ATRNL1: variants seen among roughly 807,000 people sequenced by gnomAD.
ATRNL1 encodes attractin-like protein 1.
ATRNL1 carries 95 observed loss-of-function variants against 182.7 expected under a neutral mutation model. That is an observed-to-expected ratio of 0.52 (90% confidence interval 0.44 to 0.62). The LOEUF (loss-of-function observed/expected upper bound fraction) is 0.62, where lower values mean the gene tolerates loss of function less well. ATRNL1 is among the 20% of genes least tolerant of loss of function. The probability of loss-of-function intolerance (pLI) is 0.00; values close to 1 mark genes in which losing one functional copy is unlikely to be tolerated. For missense variants in ATRNL1, 1,471 were observed against 1,679.5 expected, an observed-to-expected ratio of 0.88 and a Z score of 2.17; for synonymous variants, 576 against 568.3, an observed-to-expected ratio of 1.01 and a Z score of -0.19.
chr10:115,215,910 G>A, intron 9 of ATRNL1, 30 bp downstream of exon 9: 1 of 1,419,932 alleles, frequency 7.0e-7, no homozygotes, highest in Non-Finnish European at 9.3e-7. Flanking sequence ...CATTTTCTAT[G>A]TTGCCATTAT....
At chr10:115,594,027 T>A (rs1856076651) in intron 26 of ATRNL1, among the ~76,000 whole-genome samples, 1 of 152,092 alleles carries the variant, frequency 6.6e-6, no homozygotes, top group South Asian at 2.1e-4. Flanking sequence ...AGATTTCAGA[T>A]ATCTTTATAT....
intron 20 of ATRNL1, among the ~76,000 whole-genome samples, chr10:115,421,785 A>G (rs868978126): frequency 6.6e-6 from 1 of 152,206 alleles, no homozygotes; most frequent in African/African-American, 2.4e-5. Context: ...ATGTTAATTG[A>G]CTTCAAACTA....
At chr10:115,094,110 C>T (rs2084949072) in intron 1 of ATRNL1, 67 bp downstream of exon 1, 1 of 1,290,546 alleles carries the variant, frequency 7.7e-7, no homozygotes, top group East Asian at 3.1e-5. Flanking sequence ...TTCCCCGCCC[C>T]CCTCGCGGCC....
intron 28 of ATRNL1, among the ~76,000 whole-genome samples, chr10:115,868,979 G>A (rs1047143644): frequency 7.3e-5 from 11 of 151,664 alleles, no homozygotes; most frequent in East Asian, 3.9e-4. Flanking sequence ...ACAGGCGCCC[G>A]CCACCACGCC....
intron 27 of ATRNL1, among the ~76,000 whole-genome samples, chr10:115,832,224 A>G (rs782729028): frequency 6.6e-6 from 1 of 152,216 alleles, no homozygotes; most frequent in Non-Finnish European, 1.5e-5. Context: ...TCAAATAGCC[A>G]AGGTAAAATA....
chr10:115,397,885 G>C (rs1328742365), intron 20 of ATRNL1, among the ~76,000 whole-genome samples: 1 of 151,928 alleles, frequency 6.6e-6, no homozygotes, highest in African/African-American at 2.4e-5. Context: ...TGAGAAAACA[G>C]GGTAATCAAA....
chr10:115,652,167 A>C (rs949076992), intron 26 of ATRNL1, among the ~76,000 whole-genome samples: 5 of 152,196 alleles, frequency 3.3e-5, no homozygotes, highest in African/African-American at 1.2e-4. Flanking sequence ...TCATAGCTGT[A>C]AAGGGGATTG....
At chr10:115,610,395 G>A (rs1294932436) in intron 26 of ATRNL1, among the ~76,000 whole-genome samples, 3 of 152,080 alleles carry the variant, frequency 2.0e-5, no homozygotes, top group Non-Finnish European at 2.9e-5. Context: ...ACAAAAAAAA[G>A]CTTTATTTTT....
At chr10:115,478,451 G>A (rs1848626369) in intron 24 of ATRNL1, among the ~76,000 whole-genome samples, 1 of 151,692 alleles carries the variant, frequency 6.6e-6, no homozygotes, top group Non-Finnish European at 1.5e-5. Context: ...GATGGCCGCT[G>A]TTCCCTGCCA....
intron 28 of ATRNL1, among the ~76,000 whole-genome samples, chr10:115,854,541 G>T (rs970613850): frequency 6.6e-6 from 1 of 152,122 alleles, no homozygotes; most frequent in East Asian, 1.9e-4. Context: ...GCTAACTGCC[G>T]ATCCTGTGGG....
At chr10:115,805,640 T>G (rs1455150455) in intron 27 of ATRNL1, among the ~76,000 whole-genome samples, 2 of 151,952 alleles carry the variant, frequency 1.3e-5, no homozygotes, top group Admixed American at 6.6e-5. Context: ...CTTAAACTTG[T>G]CAGGGTTCTG....
intron 9 of ATRNL1, among the ~76,000 whole-genome samples, chr10:115,228,326 C>G (rs1332715614): frequency 3.9e-5 from 6 of 152,134 alleles, no homozygotes; most frequent in Non-Finnish European, 8.8e-5. Context: ...TCCTGTTGCT[C>G]AAAAATGATT....
At chr10:115,587,108 C>T (rs1248301349) in intron 26 of ATRNL1, among the ~76,000 whole-genome samples, 15 of 149,224 alleles carry the variant, frequency 1.0e-4, no homozygotes, top group African/African-American at 9.7e-5. Flanking sequence ...GCAGTCTGCC[C>T]GTTCTCAGAT....
intron 15 of ATRNL1, among the ~76,000 whole-genome samples, chr10:115,297,415 G>A (rs182925054): frequency 6.6e-6 from 1 of 152,174 alleles, no homozygotes; most frequent in East Asian, 1.9e-4. Context: ...GCTGAGGCAG[G>A]CCGATCACAA....
intron 28 of ATRNL1, among the ~76,000 whole-genome samples, chr10:115,919,336 C>T (rs782140419): frequency 3.9e-5 from 6 of 152,216 alleles, no homozygotes; most frequent in East Asian, 1.9e-4. Context: ...CAGTAAGAAA[C>T]GGCGTGTTCA....
At chr10:115,475,916 A>G (rs1848507240) in intron 24 of ATRNL1, among the ~76,000 whole-genome samples, 2 of 151,438 alleles carry the variant, frequency 1.3e-5, no homozygotes, top group African/African-American at 4.8e-5. Flanking sequence ...CTTCTACTAC[A>G]AGTCATACAA....
At chr10:115,109,369 A>G (rs189243175) in intron 1 of ATRNL1, among the ~76,000 whole-genome samples, 163 of 152,318 alleles carry the variant, frequency 1.1e-3, no homozygotes, top group African/African-American at 3.8e-3. Flanking sequence ...GGGAAGGCCA[A>G]GATTGAGGGG....
At chr10:115,253,777 A>G (rs1434321643) in intron 10 of ATRNL1, among the ~76,000 whole-genome samples, 2 of 152,050 alleles carry the variant, frequency 1.3e-5, no homozygotes, top group African/African-American at 4.8e-5. Flanking sequence ...TCCTAATGCT[A>G]TCCATCCCCA....
At chr10:115,924,571 T>G (rs1300149925) in intron 28 of ATRNL1, among the ~76,000 whole-genome samples, 3 of 152,148 alleles carry the variant, frequency 2.0e-5, no homozygotes, top group African/African-American at 7.2e-5. Context: ...ATGTGTGGCG[T>G]TATTTCTGAG....
Sources: allele counts gnomAD v4.1 joint callset (sites outside exome capture counted in the v4.1 genomes callset), GRCh38; gene constraint gnomAD v4.1.1; transcripts MANE v1.5; gene names NCBI Gene and HGNC (gene_info 2026-07-23, HGNC 2026-07-21).